Variants in DTNA observed in about 807,000 individuals in gnomAD.
The protein encoded by DTNA is dystrobrevin alpha.
Under a neutral mutation model 100.7 loss-of-function variants are expected in DTNA, and 43 were observed. That is an observed-to-expected ratio of 0.43 (90% CI 0.33 to 0.55). DTNA has a LOEUF of 0.55. DTNA is among the 20% of genes least tolerant of loss of function. The pLI is 0.04. For missense variants in DTNA, 798 were observed against 953.9 expected, an observed-to-expected ratio of 0.84 and a Z score of 2.15; for synonymous variants, 349 against 347.9, an observed-to-expected ratio of 1.00 and a Z score of -0.04.
intron 1 of DTNA, among the ~76,000 whole-genome samples, chr18:34,553,370 G>A (rs1313131316): frequency 6.6e-6 from 1 of 150,836 alleles, no homozygotes; most frequent in Admixed American, 6.6e-5. Flanking sequence ...CTGTGCAGAA[G>A]CTCTTTAGTT....
In DTNA at chr18:34,523,092, ACT is replaced by A. The variant is rs561198766; in HGVS notation, c.-2+29581_-2+29582del. On this transcript the variant is annotated intron_variant, in intron 1 of 19. Coordinates refer to the DTNA transcript ENST00000283365. Reference sequence around the variant, plus strand: ...TAGAGACCCTCTTTACTCCCAAGTCACTCTTCACTAAAGGGGATGCTGTGTCT... The same window carrying A: ...TAGAGACCCTCTTTACTCCCAAGTCACTTCACTAAAGGGGATGCTGTGTCT... 2.3e-3 allele frequency among the ~76,000 whole-genome samples: 343 copies of A among 152,154 alleles called. 4 individuals carry two copies. Among genetic ancestry groups the A allele is most frequent in the African/African-American group, 7.8e-3 (322 of 41,522 alleles).
intron 1 of DTNA, among the ~76,000 whole-genome samples, chr18:34,619,144 C>A (rs948733841): frequency 5.3e-5 from 8 of 152,084 alleles, no homozygotes; most frequent in African/African-American, 1.9e-4. Context: ...AGTATGATAT[C>A]TTTAGTTAAA....
chr18:34,698,448 A>C (rs2080906065), intron 1 of DTNA, among the ~76,000 whole-genome samples: 1 of 152,200 alleles, frequency 6.6e-6, no homozygotes, highest in African/African-American at 2.4e-5. Flanking sequence ...CTTGGCTTGC[A>C]GCTGCATCAC....
chr18:34,726,834 G>A (rs1019945821), intron 1 of DTNA, among the ~76,000 whole-genome samples: 1 of 152,218 alleles, frequency 6.6e-6, no homozygotes, highest in Non-Finnish European at 1.5e-5. Flanking sequence ...CCTTCTCACA[G>A]CTCCACTAGG....
chr18:34,773,474 T>C (rs960462942), intron 3 of DTNA, among the ~76,000 whole-genome samples: 7 of 152,216 alleles, frequency 4.6e-5, no homozygotes. Flanking sequence ...AAAGCAGGAA[T>C]ATTCACAGTT....
intron 13 of DTNA, among the ~76,000 whole-genome samples, chr18:34,840,983 C>T (rs1158533745): frequency 1.3e-5 from 2 of 152,064 alleles, no homozygotes; most frequent in Non-Finnish European, 2.9e-5. Flanking sequence ...TACAGTGAGA[C>T]ATATAATAAT....
intron 22 of DTNA, among the ~76,000 whole-genome samples, chr18:34,887,075 T>C (rs888100976): frequency 2.0e-5 from 3 of 152,256 alleles, no homozygotes; most frequent in East Asian, 1.9e-4. Flanking sequence ...GAGCCTTGCA[T>C]TGGGAAGAGG....
intron 1 of DTNA, among the ~76,000 whole-genome samples, chr18:34,622,466 G>A (rs767825682): frequency 1.6e-4 from 24 of 152,262 alleles, no homozygotes; most frequent in Middle Eastern, 3.4e-3. Flanking sequence ...CAACTTGACC[G>A]GATTAAGGAA....
At chr18:34,501,792 T>C (rs1363716350) in intron 1 of DTNA, among the ~76,000 whole-genome samples, 1 of 152,176 alleles carries the variant, frequency 6.6e-6, no homozygotes, top group African/African-American at 2.4e-5. Flanking sequence ...CCTCTCTCTT[T>C]GGCTTGCGGA....
intron 1 of DTNA, among the ~76,000 whole-genome samples, chr18:34,620,156 G>T (rs2056185479): frequency 6.6e-6 from 1 of 152,188 alleles, no homozygotes; most frequent in Admixed American, 6.5e-5. Context: ...CAGTGTAGTG[G>T]TGGGAAAATG....
chr18:34,816,823 A>C (rs2095607977), intron 7 of DTNA, among the ~76,000 whole-genome samples: 1 of 152,216 alleles, frequency 6.6e-6, no homozygotes, highest in African/African-American at 2.4e-5. Context: ...CTTAATTTTA[A>C]ATTATCATTC....
At chr18:34,557,155 C>T (rs1339100598) in intron 1 of DTNA, among the ~76,000 whole-genome samples, 5 of 149,540 alleles carry the variant, frequency 3.3e-5, no homozygotes, top group East Asian at 1.9e-4. Context: ...TCCAGTTGAT[C>T]GCATTGGCTC....
chr18:34,532,991 C>T (rs973725691), intron 1 of DTNA, among the ~76,000 whole-genome samples: 1 of 151,838 alleles, frequency 6.6e-6, no homozygotes, highest in Non-Finnish European at 1.5e-5. Context: ...TGCCATAATG[C>T]GAGAATGCAG....
intron 1 of DTNA, among the ~76,000 whole-genome samples, chr18:34,647,467 T>G (rs1180561303): frequency 6.6e-6 from 1 of 152,202 alleles, no homozygotes; most frequent in Non-Finnish European, 1.5e-5. Context: ...TCGTATCACC[T>G]TTGTTCACAG....
intron 1 of DTNA, among the ~76,000 whole-genome samples, chr18:34,742,918 A>C (rs1315219918): frequency 6.6e-6 from 1 of 151,940 alleles, no homozygotes; most frequent in Non-Finnish European, 1.5e-5. Flanking sequence ...CCTCTGCCTC[A>C]CCGGGACAAT....
At chr18:34,828,974 T>G in intron 10 of DTNA, 1 of 1,571,902 alleles carries the variant, frequency 6.4e-7, no homozygotes, top group Admixed American at 1.7e-5. Flanking sequence ...TAGGAAGCTC[T>G]GCATTCTGCA....
chr18:34,776,426 C>T (rs1024538700), intron 3 of DTNA, among the ~76,000 whole-genome samples: 33 of 152,162 alleles, frequency 2.2e-4, no homozygotes, highest in African/African-American at 7.7e-4. Flanking sequence ...CTCTGCCTCC[C>T]GGGTTCAAGC....
At chr18:34,564,387 G>T (rs112214629) in intron 1 of DTNA, among the ~76,000 whole-genome samples, 10 of 151,860 alleles carry the variant, frequency 6.6e-5, no homozygotes, top group Admixed American at 6.6e-4. Context: ...CAAGTGATCC[G>T]CCCGCCTCTG....
At chr18:34,807,278 G>A (rs561020743) in intron 5 of DTNA, among the ~76,000 whole-genome samples, 1 of 152,206 alleles carries the variant, frequency 6.6e-6, no homozygotes, top group Non-Finnish European at 1.5e-5. Flanking sequence ...GCACTGTCCT[G>A]GGAATTGGGA....
Sources: gnomAD v4.1 joint callset for allele counts (sites outside exome capture counted in the v4.1 genomes callset) on GRCh38, gnomAD v4.1.1 for gene constraint, MANE v1.5 for transcripts, NCBI Gene and HGNC (gene_info 2026-07-23, HGNC 2026-07-21) for gene names.